PREX2: variants seen among roughly 807,000 people sequenced by gnomAD.
PREX2 encodes the protein phosphatidylinositol-3,4,5-trisphosphate dependent Rac exchange factor 2, also known as phosphatidylinositol 3,4,5-trisphosphate-dependent Rac exchanger 2 protein.
In PREX2, 107 loss-of-function variants were observed where a neutral mutation model predicts 203.2. The ratio of observed to expected loss-of-function variants is 0.53; its 90% CI spans 0.45 to 0.62. The LOEUF (loss-of-function observed/expected upper bound fraction) is 0.62, where lower values mean the gene tolerates loss of function less well. Among genes scored for constraint, PREX2 ranks in the 20% least tolerant of loss-of-function variants. The probability of loss-of-function intolerance (pLI) is 0.00; values close to 1 mark genes in which losing one functional copy is unlikely to be tolerated. For synonymous variants in PREX2, 672 were observed against 663.6 expected, an observed-to-expected ratio of 1.01 and a Z score of -0.19; for missense variants, 1,777 against 1,955.9, an observed-to-expected ratio of 0.91 and a Z score of 1.72.
chr8:68,118,444 T>C lies in PREX2; in HGVS notation c.3327-106T>C, dbSNP rs1810703475. ...AGTTTATCTTTCTCATAGTTTTCTC[T>C]AAAACATACTAATAAATATAACTGA... On this transcript the variant is annotated intron_variant, in intron 26 of 39. Coordinates refer to ENST00000288368, the MANE Select transcript of PREX2 (RefSeq NM_024870.4). 8.8e-6 allele frequency: 6 copies of C among 684,420 alleles called. No individual in the cohort carries two copies. In the South Asian group the frequency reaches 9.2e-5, roughly 10 times the overall value. 42.4% of individuals were successfully genotyped at this position (684,420 alleles called of 1,614,324 possible). A position where few individuals can be genotyped will look rare whatever the true frequency, so the allele number is the denominator to read the frequency against.
intron 4 of PREX2, among the ~76,000 whole-genome samples, chr8:68,023,905 A>G (rs966263094): frequency 2.0e-5 from 3 of 152,182 alleles, no homozygotes; most frequent in Middle Eastern, 3.4e-3. Context: ...AGGATCAATT[A>G]TCTGATAATA....
intron 15 of PREX2, 132 bp from the exon 16 acceptor site, chr8:68,080,311 G>T (rs1809474903): frequency 1.5e-6 from 1 of 677,416 alleles, no homozygotes; most frequent in East Asian, 3.1e-5. Context: ...GGCTACTTGT[G>T]AATGTAACTA....
At chr8:68,036,190 A>G (rs549495083) in intron 6 of PREX2, among the ~76,000 whole-genome samples, 1 of 152,290 alleles carries the variant, frequency 6.6e-6, no homozygotes, top group Non-Finnish European at 1.5e-5. Flanking sequence ...AAACGAACGA[A>G]CAGGATGGAG....
At chr8:68,228,190 C>T (rs540798184) in intron 39 of PREX2, among the ~76,000 whole-genome samples, 2 of 152,256 alleles carry the variant, frequency 1.3e-5, no homozygotes, top group East Asian at 1.9e-4. Context: ...TTCCAGATGT[C>T]GGATTGCACA....
chr8:68,067,733 T>C (rs1343434080), intron 11 of PREX2, among the ~76,000 whole-genome samples: 2 of 152,100 alleles, frequency 1.3e-5, no homozygotes, highest in Admixed American at 1.3e-4. Context: ...CTAATTGCTC[T>C]GGTTAGGACT....
intron 8 of PREX2, among the ~76,000 whole-genome samples, chr8:68,047,518 T>TATATATATATATATATAC (rs1808403017): frequency 8.5e-6 from 1 of 117,762 alleles, no homozygotes; most frequent in African/African-American, 5.5e-5. Flanking sequence ...CACATACATA[T>TATATATATATATATATAC]ATATATATGT....
Position 68,030,636 on chromosome 8 carries a change from A to G in PREX2, c.683A>G (p.Gln228Arg). The change falls in exon 6 of 40, where the codon CAG becomes CGG. Residue 228 changes from glutamine (Q) to arginine (R), a missense_variant. By Grantham distance (43) the Gln-to-Arg change is conservative (BLOSUM62 1). Coordinates refer to ENST00000288368, the MANE Select transcript of PREX2 (RefSeq NM_024870.4). ...AAGTTAGAAGTTTTAGAGGAATGGC[A>G]GTCTCACATTGAAGGCTGGGAGGTA... ...MEKLEVLEEWQSHIEGWEGSN... is the reference protein window; with the variant it reads ...MEKLEVLEEWRSHIEGWEGSN... 1 of 1,613,656 alleles carries G rather than the reference A, an allele frequency of 6.2e-7. No individual in the cohort carries two copies. Among genetic ancestry groups the G allele is most frequent in the South Asian group, 1.1e-5 (1 of 91,064 alleles).
At chr8:68,203,461 A>G (rs1253855438) in intron 37 of PREX2, among the ~76,000 whole-genome samples, 1 of 152,166 alleles carries the variant, frequency 6.6e-6, no homozygotes, top group Non-Finnish European at 1.5e-5. Flanking sequence ...CTATGGAAAA[A>G]CAAATGTGGA....
intron 25 of PREX2, among the ~76,000 whole-genome samples, chr8:68,112,342 G>T (rs1478827792): frequency 1.3e-5 from 2 of 152,180 alleles, no homozygotes; most frequent in Admixed American, 6.5e-5. Flanking sequence ...TTAAATAGAG[G>T]ATTTGTGTAT....
chr8:68,001,011 A>G (rs1167471473), intron 1 of PREX2, among the ~76,000 whole-genome samples: 1 of 152,238 alleles, frequency 6.6e-6, no homozygotes, highest in Non-Finnish European at 1.5e-5. Flanking sequence ...AAGACAACCT[A>G]GGCAATACCA....
intron 6 of PREX2, among the ~76,000 whole-genome samples, chr8:68,031,695 T>C (rs1288153515): frequency 6.6e-6 from 1 of 152,224 alleles, no homozygotes; most frequent in African/African-American, 2.4e-5. Flanking sequence ...CGGAGTGCCC[T>C]CATATTCAGC....
intron 34 of PREX2, among the ~76,000 whole-genome samples, chr8:68,146,960 T>C (rs1272387613): frequency 7.2e-5 from 11 of 152,174 alleles, no homozygotes; most frequent in Non-Finnish European, 1.2e-4. Flanking sequence ...TAGTGAGCTC[T>C]GTTTCTGAGG....
At chr8:68,014,950 G>A (rs576226728) in intron 1 of PREX2, among the ~76,000 whole-genome samples, 1 of 152,216 alleles carries the variant, frequency 6.6e-6, no homozygotes, top group South Asian at 2.1e-4. Flanking sequence ...ACAAGAAAAA[G>A]TTTGAAACCC....
At chr8:68,119,066 T>C (rs1430912520) in intron 27 of PREX2, among the ~76,000 whole-genome samples, 1 of 152,210 alleles carries the variant, frequency 6.6e-6, no homozygotes, top group Non-Finnish European at 1.5e-5. Flanking sequence ...AGAAACAGAT[T>C]GATATAATTA....
At chr8:68,204,364 T>G (rs1812567652) in intron 37 of PREX2, among the ~76,000 whole-genome samples, 1 of 152,162 alleles carries the variant, frequency 6.6e-6, no homozygotes, top group South Asian at 2.1e-4. Context: ...ATTTTTAAGC[T>G]TAGTTTAAAG....
At chr8:68,169,015 G>A (rs1811816452) in intron 35 of PREX2, among the ~76,000 whole-genome samples, 1 of 151,758 alleles carries the variant, frequency 6.6e-6, no homozygotes, top group South Asian at 2.1e-4. Context: ...GTAAAATACT[G>A]ACTTGGCTCG....
intron 1 of PREX2, among the ~76,000 whole-genome samples, chr8:67,996,643 G>T (rs950764984): frequency 6.6e-6 from 1 of 151,866 alleles, no homozygotes; most frequent in African/African-American, 2.4e-5. Flanking sequence ...CTTCAATTTC[G>T]ATAAAATCTA....
At chr8:67,996,043 A>G (rs990656146) in intron 1 of PREX2, among the ~76,000 whole-genome samples, 4 of 152,112 alleles carry the variant, frequency 2.6e-5, no homozygotes, top group African/African-American at 7.2e-5. Context: ...TATTTAGTTA[A>G]TAGTATTTTA....
Position 68,231,477 on chromosome 8 carries a change from CTTTTTT to C in PREX2, c.*112_*117del. 17 of 473,070 alleles carry C rather than the reference CTTTTTT, an allele frequency of 3.6e-5. No individual in the cohort carries two copies. Among genetic ancestry groups the C allele is most frequent in the Middle Eastern group, 3.4e-4 (1 of 2,978 alleles). 29.3% of individuals were successfully genotyped at this position (473,070 alleles called of 1,614,324 possible). A position where few individuals can be genotyped will look rare whatever the true frequency, so the allele number is the denominator to read the frequency against. ...ATTCTCCACTGAAGATACATCAATG[CTTTTTT>C]TTTTTTTTTTTTCTGTAAATCTTTC... On this transcript the variant is annotated 3_prime_UTR_variant, in exon 40 of 40. Coordinates refer to ENST00000288368, the MANE Select transcript of PREX2 (RefSeq NM_024870.4).
Sources: gnomAD v4.1 joint callset for allele counts (sites outside exome capture counted in the v4.1 genomes callset) on GRCh38, gnomAD v4.1.1 for gene constraint, MANE v1.5 for transcripts, NCBI Gene and HGNC (gene_info 2026-07-23, HGNC 2026-07-21) for gene names.